The following PCBP3 variants were observed in gnomAD, a reference collection of about 807,000 sequenced individuals.
PCBP3 encodes poly(rC)-binding protein 3.
Under a neutral mutation model 52.7 loss-of-function variants are expected in PCBP3, and 25 were observed. The observed-to-expected ratio is 0.47, with a 90% CI of 0.35 to 0.66. PCBP3 has a LOEUF of 0.66. Ranked by LOEUF, PCBP3 falls within the 30% of genes least tolerant of loss-of-function variation. The probability of loss-of-function intolerance (pLI) is 0.01; values close to 1 mark genes in which losing one functional copy is unlikely to be tolerated. For synonymous variants in PCBP3, 162 were observed against 183.0 expected (o/e 0.89, Z 0.93); for missense variants, 391 against 490.3 (o/e 0.80, Z 1.91).
chr21:45,757,150 T>C (rs9647230), intron 4 of PCBP3, among the ~76,000 whole-genome samples: 26,626 of 152,220 alleles, frequency 0.17, 2,466 homozygotes, highest in Middle Eastern at 0.33. Context: ...CCCACCCACA[T>C]GTGTGAGCGT....
chr21:45,739,313 T>G (rs10211904), intron 3 of PCBP3, among the ~76,000 whole-genome samples: 6 of 36,062 alleles, frequency 1.7e-4, no homozygotes, highest in Admixed American at 3.1e-4. Flanking sequence ...TCCTGTGCAT[T>G]GTCCTCTGGG....
intron 4 of PCBP3, among the ~76,000 whole-genome samples, chr21:45,795,681 G>A (rs564202852): frequency 6.6e-6 from 1 of 152,274 alleles, no homozygotes; most frequent in African/African-American, 2.4e-5. Context: ...CTAAAGGTTA[G>A]AGAAAGACTT....
chr21:45,858,832 G>T (rs2094404084), intron 5 of PCBP3: 1 of 152,130 alleles, frequency 6.6e-6, no homozygotes, highest in African/African-American at 2.4e-5. Flanking sequence ...ATGGGGGCGG[G>T]TCTTTCCCGT....
At chr21:45,743,861 A>G (rs2086630453) in intron 3 of PCBP3, among the ~76,000 whole-genome samples, 1 of 152,152 alleles carries the variant, frequency 6.6e-6, no homozygotes, top group Non-Finnish European at 1.5e-5. Flanking sequence ...TATCCTTTAA[A>G]TAACAAATTT....
intron 4 of PCBP3, among the ~76,000 whole-genome samples, chr21:45,787,976 G>A (rs1407554538): frequency 2.0e-5 from 3 of 152,276 alleles, no homozygotes; most frequent in South Asian, 4.1e-4. Context: ...TAGCAAAGGC[G>A]GGGAGAGACT....
chr21:45,688,164 G>C (rs1485629980), intron 2 of PCBP3, among the ~76,000 whole-genome samples: 2 of 152,182 alleles, frequency 1.3e-5, no homozygotes, highest in African/African-American at 2.4e-5. Flanking sequence ...TCTTTTTCCT[G>C]TACTAAAGCA....
chr21:45,786,693 A>G (rs1459070397), intron 4 of PCBP3, among the ~76,000 whole-genome samples: 6 of 152,090 alleles, frequency 3.9e-5, no homozygotes, highest in African/African-American at 1.4e-4. Context: ...GTTCGTTCCA[A>G]CTCATGGTAT....
intron 15 of PCBP3, among the ~76,000 whole-genome samples, chr21:45,931,190 C>G (rs1007412721): frequency 6.6e-6 from 1 of 152,234 alleles, no homozygotes; most frequent in Non-Finnish European, 1.5e-5. Context: ...GCACCCCTCC[C>G]GACTTGCATT....
At chr21:45,728,079 G>A (rs913479736) in intron 2 of PCBP3, among the ~76,000 whole-genome samples, 3 of 152,126 alleles carry the variant, frequency 2.0e-5, no homozygotes, top group African/African-American at 7.2e-5. Flanking sequence ...TCAGCTTTTG[G>A]TTGGGGTTGC....
chr21:45,652,154 T>A (rs538999425), intron 1 of PCBP3, among the ~76,000 whole-genome samples: 9 of 152,250 alleles, frequency 5.9e-5, no homozygotes, highest in Non-Finnish European at 8.8e-5. Context: ...ATCCTTATAT[T>A]ATTCAGACAG....
chr21:45,938,977 G>GC (rs2149592248), intron 16 of PCBP3, among the ~76,000 whole-genome samples: 1 of 152,330 alleles, frequency 6.6e-6, no homozygotes, highest in African/African-American at 2.4e-5. Flanking sequence ...ACATGGCCCA[G>GC]CCCAGCCCTT....
intron 5 of PCBP3, among the ~76,000 whole-genome samples, chr21:45,875,073 C>T (rs2095201625): frequency 1.3e-5 from 2 of 152,262 alleles, no homozygotes; most frequent in Non-Finnish European, 2.9e-5. Flanking sequence ...GCAGCGCGGT[C>T]GCCCCTGACG....
chr21:45,647,420 A>G (rs1230398592), intron 1 of PCBP3, among the ~76,000 whole-genome samples: 1 of 152,194 alleles, frequency 6.6e-6, no homozygotes, highest in East Asian at 1.9e-4. Context: ...ACAGATAATT[A>G]CAGGGGGCCA....
intron 4 of PCBP3, among the ~76,000 whole-genome samples, chr21:45,772,970 A>T (rs923264145): frequency 1.3e-4 from 19 of 151,588 alleles, no homozygotes; most frequent in African/African-American, 4.4e-4. Context: ...TATATTCTGG[A>T]TGTTAGTCCT....
chr21:45,846,088 C>T (rs1277702252), intron 4 of PCBP3, among the ~76,000 whole-genome samples: 3 of 152,178 alleles, frequency 2.0e-5, no homozygotes, highest in African/African-American at 7.2e-5. Flanking sequence ...CTCAGGCTCC[C>T]CTGGGCGTGT....
intron 5 of PCBP3, among the ~76,000 whole-genome samples, chr21:45,875,258 G>T (rs148887437): frequency 6.6e-6 from 1 of 151,742 alleles, no homozygotes; most frequent in Non-Finnish European, 1.5e-5. Context: ...TGCGCGCTCC[G>T]GCTGACTCAC....
intron 2 of PCBP3, among the ~76,000 whole-genome samples, chr21:45,718,362 T>C (rs770974926): frequency 6.6e-6 from 1 of 151,964 alleles, no homozygotes; most frequent in African/African-American, 2.4e-5. Flanking sequence ...TTTCCTTCCT[T>C]CTGCTTGCTT....
intron 4 of PCBP3, among the ~76,000 whole-genome samples, chr21:45,834,589 C>G (rs760959449): frequency 6.6e-6 from 1 of 152,230 alleles, no homozygotes; most frequent in Non-Finnish European, 1.5e-5. Context: ...CAGGCCACCA[C>G]GTCCACGAGT....
At chr21:45,922,873 G>A (rs552887252) in intron 13 of PCBP3, among the ~76,000 whole-genome samples, 83 of 152,352 alleles carry the variant, frequency 5.4e-4, no homozygotes, top group African/African-American at 1.7e-3. Context: ...GCAGCTGGAC[G>A]TGAGTGGCAG....
Sources: allele counts gnomAD v4.1 joint callset (sites outside exome capture counted in the v4.1 genomes callset), GRCh38; gene constraint gnomAD v4.1.1; transcripts MANE v1.5; gene names NCBI Gene and HGNC (gene_info 2026-07-23, HGNC 2026-07-21).